DMD: variants seen among roughly 807,000 people sequenced by gnomAD.
The protein encoded by DMD is dystrophin.
A neutral mutation model predicts 330.1 loss-of-function variants in DMD; 63 were observed. The observed-to-expected ratio is 0.19, with a 90% CI of 0.16 to 0.24. The LOEUF (loss-of-function observed/expected upper bound fraction) is 0.24. Among genes scored for constraint, DMD ranks in the 10% least tolerant of loss-of-function variants. The pLI is 1.00. For synonymous variants in DMD, 1,223 were observed against 959.8 expected (o/e 1.27, Z -5.07); for missense variants, 3,344 against 2,684.1 (o/e 1.25, Z -5.43).
chrX:31,971,924 A>C (rs2095402557), intron 44 of DMD, among the ~76,000 whole-genome samples: 1 of 111,793 alleles, frequency 8.9e-6, no homozygotes, highest in African/African-American at 3.2e-5. Flanking sequence ...AATCATAATT[A>C]AATCTGTTGG....
At chrX:31,927,295 G>A (rs2094792393) in intron 47 of DMD, among the ~76,000 whole-genome samples, 1 of 112,097 alleles carries the variant, frequency 8.9e-6, no homozygotes, top group Admixed American at 9.5e-5. Flanking sequence ...CGTAACCTCA[G>A]TTTTAATTTT....
At chrX:31,858,815 C>A (rs1055284777) in intron 48 of DMD, among the ~76,000 whole-genome samples, 3 of 111,001 alleles carry the variant, frequency 2.7e-5, no homozygotes, top group African/African-American at 9.8e-5. Flanking sequence ...TTCCTCACAG[C>A]ACCTGATAGA....
intron 34 of DMD, among the ~76,000 whole-genome samples, chrX:32,378,048 ACCTTTATGAC>A (rs1445346949): frequency 1.8e-5 from 2 of 110,765 alleles, no homozygotes; most frequent in Non-Finnish European, 3.8e-5. Flanking sequence ...GCGTGTTATC[ACCTTTATGAC>A]CCTCCCATTT....
intron 7 of DMD, among the ~76,000 whole-genome samples, chrX:32,744,964 C>A (rs757875710): frequency 1.8e-5 from 2 of 111,320 alleles, no homozygotes; most frequent in African/African-American, 6.5e-5. Context: ...TTTTCCAGAC[C>A]ACTGTAGACA....
intron 2 of DMD, among the ~76,000 whole-genome samples, chrX:33,018,410 AT>A (rs1267110157): frequency 4.5e-4 from 50 of 112,024 alleles, no homozygotes; most frequent in African/African-American, 1.6e-3. Flanking sequence ...ACAGAAAAAA[AT>A]ATACCGAATT....
At chrX:31,787,031 T>C (rs1178515247) in intron 50 of DMD, among the ~76,000 whole-genome samples, 2 of 112,444 alleles carry the variant, frequency 1.8e-5, no homozygotes, top group African/African-American at 6.5e-5. Flanking sequence ...TTTTAATACA[T>C]AGAAGTAATA....
intron 11 of DMD, among the ~76,000 whole-genome samples, chrX:32,632,120 C>A (rs899674422): frequency 8.9e-6 from 1 of 112,269 alleles, no homozygotes; most frequent in Non-Finnish European, 1.9e-5. Flanking sequence ...AGTCAACACT[C>A]CTATTCCAAA....
intron 11 of DMD, among the ~76,000 whole-genome samples, chrX:32,622,624 A>G (rs1488769178): frequency 8.9e-6 from 1 of 111,964 alleles, no homozygotes; most frequent in Non-Finnish European, 1.9e-5. Flanking sequence ...TATACTTCGC[A>G]TCCAATTATA....
intron 2 of DMD, among the ~76,000 whole-genome samples, chrX:33,000,655 T>A (rs1437198745): frequency 8.9e-6 from 1 of 112,334 alleles, no homozygotes; most frequent in Non-Finnish European, 1.9e-5. Flanking sequence ...GCTGGAAGTG[T>A]AAAATTCACA....
intron 41 of DMD, among the ~76,000 whole-genome samples, chrX:32,338,864 T>C (rs2097727776): frequency 8.9e-6 from 1 of 111,903 alleles, no homozygotes; most frequent in South Asian, 3.7e-4. Context: ...ATATTTCCTG[T>C]GTTTATTCTG....
chrX:31,336,926 C>CTT (rs66807082), intron 61 of DMD, among the ~76,000 whole-genome samples: 1 of 94,381 alleles, frequency 1.1e-5, no homozygotes, highest in Non-Finnish European at 2.1e-5. Flanking sequence ...TTCTTTCTTT[C>CTT]TTTTTTTTTT....
intron 25 of DMD, among the ~76,000 whole-genome samples, chrX:32,461,810 T>C (rs193190124): frequency 9.7e-6 from 1 of 103,073 alleles, no homozygotes; most frequent in East Asian, 3.0e-4. Flanking sequence ...TTAAGTAATA[T>C]TTTTTTTTTT....
chrX:32,809,869 C>G (rs1318750914), intron 6 of DMD, among the ~76,000 whole-genome samples: 1 of 95,767 alleles, frequency 1.0e-5, no homozygotes, highest in African/African-American at 4.0e-5. Flanking sequence ...ATCCTTTGAG[C>G]CCAGAAGTTC....
intron 60 of DMD, among the ~76,000 whole-genome samples, chrX:31,366,349 G>A (rs2059228156): frequency 9.4e-6 from 1 of 106,201 alleles, no homozygotes; most frequent in African/African-American, 3.4e-5. Context: ...GATAAGTGGT[G>A]CCTCTAAGAC....
chrX:33,009,496 A>G lies in DMD; in HGVS notation c.93+10643T>C, dbSNP rs750240252. ...TGTATGTGTATACACATGTGTGTAT[A>G]TGTATATGTGTATATACACATATGT... On this transcript the variant is annotated intron_variant, in intron 2 of 78. Coordinates refer to ENST00000357033, the MANE Select transcript of DMD (RefSeq NM_004006.3). Among the ~76,000 whole-genome samples the G allele has an allele frequency of 5.9e-4, 46 of 77,493 alleles. 3 individuals carry two copies. The highest frequency in any genetic ancestry group is 2.6e-3 in the South Asian group (4 of 1,522). 67.3% of individuals were successfully genotyped at this position (77,493 alleles called of 115,157 possible). A position where few individuals can be genotyped will look rare whatever the true frequency, so the allele number is the denominator to read the frequency against.
At chrX:31,856,495 G>A (rs1417225167) in intron 48 of DMD, among the ~76,000 whole-genome samples, 1 of 111,942 alleles carries the variant, frequency 8.9e-6, no homozygotes, top group Non-Finnish European at 1.9e-5. Flanking sequence ...GTATTCTAAA[G>A]CCATTAAAAA....
intron 21 of DMD, among the ~76,000 whole-genome samples, chrX:32,480,854 A>G (rs1460070769): frequency 9.0e-6 from 1 of 111,279 alleles, no homozygotes; most frequent in African/African-American, 3.3e-5. Flanking sequence ...CACAATTTTT[A>G]AAAGGAACAT....
intron 44 of DMD, among the ~76,000 whole-genome samples, chrX:32,167,625 A>T (rs2096872936): frequency 1.8e-5 from 2 of 112,602 alleles, no homozygotes; most frequent in South Asian, 7.3e-4. Context: ...ACGGTCTAAC[A>T]ACGTCCCTGA....
intron 59 of DMD, among the ~76,000 whole-genome samples, chrX:31,449,655 G>C (rs950346396): frequency 1.9e-5 from 2 of 106,346 alleles, no homozygotes; most frequent in African/African-American, 6.8e-5. Flanking sequence ...TCCATAAAAG[G>C]CCACAGCAGG....
Sources: allele counts gnomAD v4.1 joint callset (sites outside exome capture counted in the v4.1 genomes callset), GRCh38; gene constraint gnomAD v4.1.1; transcripts MANE v1.5; gene names NCBI Gene and HGNC (gene_info 2026-07-23, HGNC 2026-07-21).